The following MARK2 variants were observed in gnomAD, a reference collection of about 807,000 sequenced individuals.
The protein encoded by MARK2 is microtubule affinity regulating kinase 2.
MARK2 carries 16 observed loss-of-function variants against 89.8 expected under a neutral mutation model. The ratio of observed to expected loss-of-function variants is 0.18; its 90% CI spans 0.12 to 0.27. The LOEUF (loss-of-function observed/expected upper bound fraction) is 0.27, where lower values mean the gene tolerates loss of function less well. MARK2 is among the 10% of genes least tolerant of loss of function. The pLI is 1.00. For missense variants in MARK2, 621 were observed against 1,049.9 expected, an observed-to-expected ratio of 0.59 and a Z score of 5.65; for synonymous variants, 382 against 399.5, an observed-to-expected ratio of 0.96 and a Z score of 0.52.
chr11:63,868,141 C>T (rs1161665733), intron 1 of MARK2, among the ~76,000 whole-genome samples: 1 of 152,022 alleles, frequency 6.6e-6, no homozygotes, highest in Non-Finnish European at 1.5e-5. Context: ...CCTGTAATCC[C>T]CGCACTTTGG....
chr11:63,889,111 A>C (rs1305943865), intron 1 of MARK2: 2 of 534,886 alleles, frequency 3.7e-6, no homozygotes, highest in Non-Finnish European at 6.5e-6. Context: ...CAGATGTGGA[A>C]GAGGCATTGA....
chr11:63,892,485 T>G (rs1939947826), intron 1 of MARK2, among the ~76,000 whole-genome samples: 1 of 151,958 alleles, frequency 6.6e-6, no homozygotes, highest in African/African-American at 2.4e-5. Flanking sequence ...TTCTCTGTGG[T>G]TTTTGAGTGC....
Position 63,902,071 on chromosome 11 carries a change from G to A in MARK2, c.1102-127G>A, listed in dbSNP as rs1940941078. 1 of 984,594 alleles carries A rather than the reference G, an allele frequency of 1.0e-6. No homozygotes were observed. Among genetic ancestry groups the A allele is most frequent in the Non-Finnish European group, 1.5e-6 (1 of 666,536 alleles). The allele number at this position is 984,594 out of a possible 1,614,324, so 61.0% of individuals were successfully genotyped here. ...CAGGGGGGATGTATTGGTCTTACAA[G>A]TGGATGTCCGGTATGATCCTGGGGT... On this transcript the variant is annotated intron_variant, in intron 11 of 18. Coordinates refer to ENST00000402010, the MANE Select transcript of MARK2 (RefSeq NM_001039469.3). The surrounding 1 kb of genome is among the most constrained non-coding windows in gnomAD (Gnocchi z 4.2).
chr11:63,886,022 G>A (rs1000673719), intron 1 of MARK2, among the ~76,000 whole-genome samples: 1 of 151,792 alleles, frequency 6.6e-6, no homozygotes, highest in Admixed American at 6.6e-5. Context: ...CCAGCTACTC[G>A]GGAGGCTGAG....
intron 1 of MARK2, among the ~76,000 whole-genome samples, chr11:63,881,101 C>T (rs11231629): frequency 0.36 from 53,659 of 151,002 alleles, 11,549 homozygotes; most frequent in East Asian, 0.6. Flanking sequence ...GTCAGGAGTT[C>T]GAGACCAGCC....
intron 1 of MARK2, among the ~76,000 whole-genome samples, chr11:63,861,045 C>T (rs1937739174): frequency 1.3e-5 from 2 of 152,198 alleles, no homozygotes; most frequent in Non-Finnish European, 2.9e-5. Context: ...AAGCGTATTT[C>T]TTTTCAGATT....
At chr11:63,883,416 C>T (rs765839451) in intron 1 of MARK2, among the ~76,000 whole-genome samples, 2 of 152,154 alleles carry the variant, frequency 1.3e-5, no homozygotes, top group African/African-American at 4.8e-5. Context: ...TATACTGGTA[C>T]TTACAGTCAA....
intron 1 of MARK2, among the ~76,000 whole-genome samples, chr11:63,849,224 T>A (rs1388983232): frequency 1.3e-5 from 2 of 152,212 alleles, no homozygotes; most frequent in African/African-American, 4.8e-5. Flanking sequence ...CACAGAAGAC[T>A]GTCATTGGCT....
In MARK2 at chr11:63,910,371, C is replaced by CA. The variant is rs993525368; in HGVS notation, c.*1135dup. 9.2e-5 allele frequency: 14 copies of CA among 152,328 alleles called. No homozygotes were observed. Among genetic ancestry groups the CA allele is most frequent in the Non-Finnish European group, 1.6e-4 (11 of 68,122 alleles). 9.4% of individuals were successfully genotyped at this position (152,328 alleles called of 1,614,324 possible). A position where few individuals can be genotyped will look rare whatever the true frequency, so the allele number is the denominator to read the frequency against. ...GGAGACACTGCCGAGGGCCACCTGG[C>CA]AGAAGGCTGAGTTAGGCAGCAGGGC... On this transcript the variant is annotated 3_prime_UTR_variant, in exon 19 of 19. Transcript: ENST00000402010.
Position 63,856,768 on chromosome 11 carries a change from G to GTTTTTT in MARK2, c.54+17240_54+17245dup, listed in dbSNP as rs71039681. 3.7e-5 allele frequency among the ~76,000 whole-genome samples: 2 copies of GTTTTTT among 53,808 alleles called. 1 individual carries two copies. The highest frequency in any genetic ancestry group is 6.5e-5 in the Non-Finnish European group (2 of 30,960). 35.3% of individuals were successfully genotyped at this position (53,808 alleles called of 152,430 possible). A position where few individuals can be genotyped will look rare whatever the true frequency, so the allele number is the denominator to read the frequency against. On this transcript the variant is annotated intron_variant, in intron 1 of 18. Transcript: ENST00000402010. ...TTTTTTCCATTTTTAAATTTTTCAT[G>GTTTTTT]TTTTTTTTTTTTTTTTTTTTTTTTT...
At chr11:63,866,895 T>A (rs1736073003) in intron 1 of MARK2, among the ~76,000 whole-genome samples, 1 of 152,240 alleles carries the variant, frequency 6.6e-6, no homozygotes, top group Non-Finnish European at 1.5e-5. Context: ...TTTTTTTAGA[T>A]GGCATAGAAT....
chr11:63,842,577 A>G (rs1041150714), intron 1 of MARK2, among the ~76,000 whole-genome samples: 11 of 152,186 alleles, frequency 7.2e-5, no homozygotes, highest in African/African-American at 2.7e-4. Flanking sequence ...CAGGTATATC[A>G]AACACTGGCC....
At chr11:63,908,380 C>A in intron 18 of MARK2, 76 bp downstream of exon 18, 1 of 1,256,590 alleles carries the variant, frequency 8.0e-7, no homozygotes, top group Non-Finnish European at 1.1e-6. Context: ...TCTCTTCCTT[C>A]TGCCACTTGG....
At chr11:63,841,317 C>T (rs2016004945) in intron 1 of MARK2, among the ~76,000 whole-genome samples, 1 of 152,212 alleles carries the variant, frequency 6.6e-6, no homozygotes, top group African/African-American at 2.4e-5. Context: ...GAGTTTTTCT[C>T]TGCAGGGTTG....
intron 1 of MARK2, among the ~76,000 whole-genome samples, chr11:63,868,203 G>A (rs997808663): frequency 1.3e-5 from 2 of 152,116 alleles, no homozygotes; most frequent in African/African-American, 4.8e-5. Context: ...AACAGCCTGG[G>A]CAACATAGCG....
chr11:63,875,067 C>T (rs1282239171), intron 1 of MARK2, among the ~76,000 whole-genome samples: 1 of 151,926 alleles, frequency 6.6e-6, no homozygotes, highest in Admixed American at 6.6e-5. Context: ...CCTCCTGCCT[C>T]AGCCTCCTGA....
chr11:63,895,658 CTTTTTTTTTTTTTTTTT>C (rs544118942), intron 3 of MARK2, 25 bp downstream of exon 3: 107 of 1,162,866 alleles, frequency 9.2e-5, no homozygotes, highest in Non-Finnish European at 1.1e-4. Flanking sequence ...CCTCCTGTCC[CTTTTTTTTTTTTTTTTT>C]TTTTTTTTTT....
At chr11:63,893,310 G>T (rs1940069150) in intron 1 of MARK2, among the ~76,000 whole-genome samples, 1 of 30,672 alleles carries the variant, frequency 3.3e-5, no homozygotes, top group Non-Finnish European at 5.9e-5. Flanking sequence ...GAGCTACCTT[G>T]CCTGGCCTAG....
At position 63,908,707 on chromosome 11, in the gene MARK2, T is replaced by TGG. The variant is rs1239869503; in HGVS notation, c.2007-166_2007-165dup. Among the ~76,000 whole-genome samples the TGG allele has an allele frequency of 7.2e-5, 11 of 152,232 alleles. No individual in the cohort carries two copies. In the East Asian group the frequency reaches 2.1e-3, roughly 29 times the overall value. On this transcript the variant is annotated intron_variant, in intron 18 of 18. Transcript: ENST00000402010. ...TCCTCCCCTTCGCTGTCCTGAGAGA[T>TGG]GGGGGTTGGAGGACTGCCACCCTCC...
Sources: allele counts gnomAD v4.1 joint callset (sites outside exome capture counted in the v4.1 genomes callset), GRCh38; gene constraint gnomAD v4.1.1; non-coding constraint Gnocchi (gnomAD v3.1); transcripts MANE v1.5; gene names NCBI Gene and HGNC (gene_info 2026-07-23, HGNC 2026-07-21).